SOX6: variants seen among roughly 807,000 people sequenced by gnomAD.
The protein encoded by SOX6 is transcription factor SOX-6.
Under a neutral mutation model 97.8 loss-of-function variants are expected in SOX6, and 11 were observed. The ratio of observed to expected loss-of-function variants is 0.11; its 90% CI spans 0.07 to 0.19. SOX6 has a LOEUF of 0.19. SOX6 is among the 10% of genes least tolerant of loss of function. The probability of loss-of-function intolerance (pLI) is 1.00; values close to 1 mark genes in which losing one functional copy is unlikely to be tolerated. For missense variants in SOX6, 810 were observed against 1,039.5 expected (o/e 0.78, Z 3.04); for synonymous variants, 360 against 371.4 (o/e 0.97, Z 0.35).
chr11:16,681,203 T>C lies in SOX6; in HGVS notation n.429+33627A>G, dbSNP rs143044072. On this transcript the variant is annotated intron_variant and non_coding_transcript_variant, in intron 3 of 5. Transcript: ENST00000524520. ...ACTTATTCTAAAATTGACCACGTAA[T>C]TGGAAGTAAAACACTTCTTAGCAAA... Among the ~76,000 whole-genome samples the C allele has an allele frequency of 8.0e-3, 1,222 of 152,276 alleles. 20 individuals carry two copies. The highest frequency in any genetic ancestry group is 0.027 in the African/African-American group (1,110 of 41,562).
chr11:16,663,114 T>C (rs1264149902), intron 3 of SOX6, among the ~76,000 whole-genome samples: 1 of 151,362 alleles, frequency 6.6e-6, no homozygotes, highest in African/African-American at 2.4e-5. Flanking sequence ...AAGGTATGTA[T>C]GGCAGGGGAA....
intron 6 of SOX6, among the ~76,000 whole-genome samples, chr11:16,167,296 C>T (rs1348011898): frequency 6.6e-6 from 1 of 152,152 alleles, no homozygotes; most frequent in African/African-American, 2.4e-5. Flanking sequence ...CTCTAAATCT[C>T]GTTGGCTTTG....
At chr11:16,695,041 A>C (rs1848043216) in intron 3 of SOX6, among the ~76,000 whole-genome samples, 1 of 152,206 alleles carries the variant, frequency 6.6e-6, no homozygotes, top group South Asian at 2.1e-4. Flanking sequence ...GCTTGAGCAT[A>C]TGTGGGTTTT....
At chr11:16,414,793 A>C (rs1189267233) in intron 1 of SOX6, among the ~76,000 whole-genome samples, 1 of 152,190 alleles carries the variant, frequency 6.6e-6, no homozygotes, top group Non-Finnish European at 1.5e-5. Context: ...CAGGTACAAG[A>C]AACTACATGA....
intron 4 of SOX6, among the ~76,000 whole-genome samples, chr11:16,532,058 A>G (rs1259006421): frequency 6.6e-6 from 1 of 151,896 alleles, no homozygotes; most frequent in African/African-American, 2.4e-5. Context: ...GGGCAAGTGA[A>G]GACTTCCTAT....
chr11:16,636,095 T>A (rs1848783682), intron 3 of SOX6, among the ~76,000 whole-genome samples: 1 of 151,994 alleles, frequency 6.6e-6, no homozygotes, highest in Non-Finnish European at 1.5e-5. Flanking sequence ...AAGGCCACCA[T>A]CCTCCAGACT....
At chr11:16,284,538 A>G (rs919681014) in intron 3 of SOX6, among the ~76,000 whole-genome samples, 1 of 152,040 alleles carries the variant, frequency 6.6e-6, no homozygotes, top group African/African-American at 2.4e-5. Context: ...TCACTCCCCA[A>G]CAGATATTTA....
intron 1 of SOX6, among the ~76,000 whole-genome samples, chr11:16,364,647 T>C (rs1303288721): frequency 6.6e-6 from 1 of 152,104 alleles, no homozygotes; most frequent in Non-Finnish European, 1.5e-5. Flanking sequence ...CATGAGCAAA[T>C]GGTCATAACA....
chr11:16,645,312 A>C (rs920233306), intron 3 of SOX6, among the ~76,000 whole-genome samples: 13 of 152,218 alleles, frequency 8.5e-5, no homozygotes, highest in African/African-American at 2.9e-4. Context: ...TCACCACTAC[A>C]AAACATGTCC....
Position 16,610,862 on chromosome 11 carries a change from T to G in SOX6, n.609+1219A>C, listed in dbSNP as rs1309124680. Among the ~76,000 whole-genome samples, 1 of 152,166 alleles carries G rather than the reference T, an allele frequency of 6.6e-6. No individual in the cohort carries two copies. Among genetic ancestry groups the G allele is most frequent in the Non-Finnish European group, 1.5e-5 (1 of 68,026 alleles). On this transcript the variant is annotated intron_variant and non_coding_transcript_variant, in intron 4 of 5. Transcript: ENST00000524520. The surrounding 1 kb of genome is among the most constrained non-coding windows in gnomAD (Gnocchi z 4.4). ...TCCACCTACCTGGTGCGCACCGGCCTGCGGGCTCGGAGAAGTTCCCGGAGG... is the reference window on the plus strand; with the variant it reads ...TCCACCTACCTGGTGCGCACCGGCCGGCGGGCTCGGAGAAGTTCCCGGAGG...
At chr11:16,644,761 A>G (rs188501173) in intron 3 of SOX6, among the ~76,000 whole-genome samples, 3 of 152,304 alleles carry the variant, frequency 2.0e-5, no homozygotes, top group Admixed American at 6.5e-5. Context: ...AGTCCATAGT[A>G]TCTATAGATC....
At chr11:16,486,687 C>T (rs758662127) in intron 4 of SOX6, among the ~76,000 whole-genome samples, 18 of 152,040 alleles carry the variant, frequency 1.2e-4, no homozygotes, top group East Asian at 3.9e-4. Flanking sequence ...ATGGTGAAAC[C>T]CCATCTCTAC....
At chr11:16,025,619 G>A (rs1855196094) in intron 12 of SOX6, among the ~76,000 whole-genome samples, 1 of 152,286 alleles carries the variant, frequency 6.6e-6, no homozygotes, top group South Asian at 2.1e-4. Context: ...AAACACAAGT[G>A]CAGTTTATTC....
chr11:16,448,241 C>T (rs1406556183), intron 1 of SOX6, among the ~76,000 whole-genome samples: 2 of 152,106 alleles, frequency 1.3e-5, no homozygotes, highest in Non-Finnish European at 2.9e-5. Flanking sequence ...TTTTCAAATG[C>T]TCCAGGTTAA....
intron 13 of SOX6, among the ~76,000 whole-genome samples, chr11:15,993,075 A>G (rs1417215838): frequency 6.6e-6 from 1 of 152,210 alleles, no homozygotes; most frequent in East Asian, 1.9e-4. Flanking sequence ...GCCGCAGTAG[A>G]AATACATATG....
At chr11:16,070,880 G>A (rs1300863546) in intron 9 of SOX6, among the ~76,000 whole-genome samples, 2 of 152,200 alleles carry the variant, frequency 1.3e-5, no homozygotes, top group South Asian at 2.1e-4. Context: ...GAGGCAGAGA[G>A]CTACCCAGCC....
chr11:16,592,528 TAGAC>T lies in SOX6; in HGVS notation n.609+19549_609+19552del, dbSNP rs1244522772. Among the ~76,000 whole-genome samples, 10 of 152,076 alleles carry T rather than the reference TAGAC, an allele frequency of 6.6e-5. 1 individual carries two copies. The South Asian group carries it at 1.5e-3, about 22-fold the overall frequency. On this transcript the variant is annotated intron_variant and non_coding_transcript_variant, in intron 4 of 5. Transcript: ENST00000524520. ...ATATTACTTAAATACATATATTAAA[TAGAC>T]AGCTCATTTGGGACAAGTTAGAATG...
At chr11:16,709,671 T>C (rs1247882641) in intron 3 of SOX6, among the ~76,000 whole-genome samples, 2 of 152,228 alleles carry the variant, frequency 1.3e-5, no homozygotes, top group African/African-American at 2.4e-5. Context: ...TGCAGAACTG[T>C]GAGCCAATTA....
rs1848384797 is a variant in SOX6 at position 16,610,598 on chromosome 11, T to C, written n.609+1483A>G. ...CCCTTTTAGATTTTATCTAATAAAC[T>C]GATAGCAAAGTATATTGATAAGGCG... On this transcript the variant is annotated intron_variant and non_coding_transcript_variant, in intron 4 of 5. Transcript: ENST00000524520. This position sits in a 1 kb window ranked among gnomAD's most constrained non-coding sequence, Gnocchi z 4.4. Among the ~76,000 whole-genome samples the C allele has an allele frequency of 2.0e-5, 3 of 152,162 alleles. No homozygotes were observed. Among genetic ancestry groups the C allele is most frequent in the Non-Finnish European group, 4.4e-5 (3 of 68,032 alleles).
Sources: allele counts gnomAD v4.1 joint callset (sites outside exome capture counted in the v4.1 genomes callset), GRCh38; gene constraint gnomAD v4.1.1; non-coding constraint Gnocchi (gnomAD v3.1); transcripts MANE v1.5; gene names NCBI Gene and HGNC (gene_info 2026-07-23, HGNC 2026-07-21).